GPR55: variants seen among roughly 807,000 people sequenced by gnomAD.
GPR55 encodes the protein G-protein coupled receptor 55.
Under a neutral mutation model 7.9 loss-of-function variants are expected in GPR55, and 6 were observed. That is an observed-to-expected ratio of 0.76 (90% CI 0.41 to 1.49). The LOEUF (loss-of-function observed/expected upper bound fraction) is 1.49. Among genes scored for constraint, GPR55 ranks in the 40% most tolerant of loss-of-function variants. The pLI, the probability that GPR55 is intolerant of heterozygous loss-of-function variation, is 0.01. For synonymous variants in GPR55, 183 were observed against 166.8 expected (o/e 1.10, Z -0.75); for missense variants, 376 against 406.0 (o/e 0.93, Z 0.63).
chr2:230,930,742 G>A (rs1403075760), intron 1 of GPR55, among the ~76,000 whole-genome samples: 5 of 152,174 alleles, frequency 3.3e-5, no homozygotes, highest in Non-Finnish European at 7.3e-5. Flanking sequence ...TGGAATTACA[G>A]GCTTAAGCCA....
intron 1 of GPR55, among the ~76,000 whole-genome samples, chr2:230,912,231 G>A (rs752869894): frequency 3.3e-5 from 5 of 152,040 alleles, no homozygotes; most frequent in African/African-American, 4.8e-5. Context: ...TAACCACTTC[G>A]GCAGAAAGCA....
rs546288069 is a variant in GPR55 at position 230,911,943 on chromosome 2, T to C, written c.-134-847A>G. Among the ~76,000 whole-genome samples the C allele has an allele frequency of 1.5e-4, 23 of 152,216 alleles. 1 individual carries two copies. The South Asian group carries it at 4.8e-3, about 32-fold the overall frequency. On this transcript the variant is annotated intron_variant, in intron 1 of 1. Transcript: ENST00000650999. The stretch of plus-strand genomic sequence containing the variant: ...TTGTGGGGTTCTGCATCAAGGTATG[T>C]AGCCCTGGAGCAGGAAAAAACCAAG...
At position 230,924,501 on chromosome 2, in the gene GPR55, CTAGGG is replaced by C. The variant is rs2125057738; in HGVS notation, c.-135+662_-135+666del. 6.6e-6 allele frequency: 1 copy of C among 152,368 alleles called. No homozygotes were observed. Among genetic ancestry groups the C allele is most frequent in the East Asian group, 1.9e-4 (1 of 5,186 alleles). 9.4% of individuals were successfully genotyped at this position (152,368 alleles called of 1,614,324 possible). ...CCCAGCCTCTCCAAGAGACACTTGGCTAGGGTTAGAGAACAATGCAGCTATAATGT... is the reference window on the plus strand; with the variant it reads ...CCCAGCCTCTCCAAGAGACACTTGGCTTAGAGAACAATGCAGCTATAATGT... On this transcript the variant is annotated intron_variant, in intron 1 of 1. Transcript: ENST00000650999. The surrounding 1 kb of genome is among the most constrained non-coding windows in gnomAD (Gnocchi z 4.5).
Position 230,923,551 on chromosome 2 carries a change from G to A in GPR55, c.-135+1617C>T, listed in dbSNP as rs1690884357. ...AGGAACAGGACACAGAGGGGACAGA[G>A]CACATGACCACAATCTCCCCAATGC... On this transcript the variant is annotated intron_variant, in intron 1 of 1. Transcript: ENST00000650999. This position sits in a 1 kb window ranked among gnomAD's most constrained non-coding sequence, Gnocchi z 4.1. Among the ~76,000 whole-genome samples, 1 of 151,620 alleles carries A rather than the reference G, an allele frequency of 6.6e-6. No individual in the cohort carries two copies. Among genetic ancestry groups the A allele is most frequent in the African/African-American group, 2.4e-5 (1 of 41,324 alleles).
At chr2:230,940,475 C>T (rs74965558) in intron 1 of GPR55, among the ~76,000 whole-genome samples, 3 of 152,184 alleles carry the variant, frequency 2.0e-5, no homozygotes, top group Non-Finnish European at 4.4e-5. Context: ...TGCAGGAAGG[C>T]GCTTATCAAG....
intron 1 of GPR55, among the ~76,000 whole-genome samples, chr2:230,915,554 G>T (rs1303596607): frequency 6.6e-6 from 1 of 152,214 alleles, no homozygotes; most frequent in East Asian, 1.9e-4. Context: ...GCAGCACGGT[G>T]GCTGAGAGGT....
In GPR55 at chr2:230,923,636, C is replaced by T. The variant is rs752104043; in HGVS notation, c.-135+1532G>A. Among the ~76,000 whole-genome samples the T allele has an allele frequency of 6.6e-6, 1 of 151,816 alleles. No individual in the cohort carries two copies. The highest frequency in any genetic ancestry group is 1.5e-5 in the Non-Finnish European group (1 of 67,954). ...AGTGGGGCTGGGAGAGGGGAGGGGCCGGCTTGGGGACGTGAAAGGTGGCCA... is the reference window on the plus strand; with the variant it reads ...AGTGGGGCTGGGAGAGGGGAGGGGCTGGCTTGGGGACGTGAAAGGTGGCCA... On this transcript the variant is annotated intron_variant, in intron 1 of 1. Transcript: ENST00000650999. This position sits in a 1 kb window ranked among gnomAD's most constrained non-coding sequence, Gnocchi z 4.1.
chr2:230,910,513 CCA>C lies in GPR55; in HGVS notation c.448_449del (p.Trp150AspfsTer24). ...AACTGTAGATAGGGATGCTTCCGGT[CCA>C]CACCAGGACCCAGATGGTGCAGCAG... The part of the protein sequence containing the change: ...GICCTIWVLV[W>X]TGSIPIYSFH... On this transcript the variant is annotated frameshift_variant, in exon 2 of 2. Transcript: ENST00000650999. LOFTEE classifies it high-confidence loss of function. This position sits in a 1 kb window ranked among gnomAD's most constrained non-coding sequence, Gnocchi z 5.4. 6.2e-7 allele frequency: 1 copy of C among 1,614,190 alleles called. No individual in the cohort carries two copies. Among genetic ancestry groups the C allele is most frequent in the South Asian group, 1.1e-5 (1 of 91,076 alleles).
Position 230,908,786 on chromosome 2 carries a change from C to CG in GPR55, c.*1216dup, listed in dbSNP as rs1690514394. On this transcript the variant is annotated 3_prime_UTR_variant, in exon 2 of 2. Transcript: ENST00000650999. ...AGCAGCTGAGTCATTGGGAGGCTTCCGCTGTCACTTGCACTCCTCCTCCAG... is the reference window on the plus strand; with the variant it reads ...AGCAGCTGAGTCATTGGGAGGCTTCCGGCTGTCACTTGCACTCCTCCTCCAG... 1.3e-5 allele frequency: 2 copies of CG among 152,382 alleles called. No homozygotes were observed. Among genetic ancestry groups the CG allele is most frequent in the Non-Finnish European group, 2.9e-5 (2 of 68,138 alleles). 9.4% of individuals were successfully genotyped at this position (152,382 alleles called of 1,614,324 possible).
chr2:230,920,249 G>T (rs999607584), intron 1 of GPR55, among the ~76,000 whole-genome samples: 1 of 152,046 alleles, frequency 6.6e-6, no homozygotes, highest in African/African-American at 2.4e-5. Context: ...AACAACTTGT[G>T]GTCTGGGTTT....
At chr2:230,919,379 C>T (rs902792157) in intron 1 of GPR55, among the ~76,000 whole-genome samples, 3 of 152,092 alleles carry the variant, frequency 2.0e-5, no homozygotes, top group African/African-American at 7.2e-5. Flanking sequence ...AAAACACAAT[C>T]AATGTTAGAC....
chr2:230,944,198 C>T lies in GPR55; in HGVS notation c.-135+16577G>A, dbSNP rs1691277597. Among the ~76,000 whole-genome samples the T allele has an allele frequency of 6.6e-6, 1 of 152,220 alleles. No individual in the cohort carries two copies. The highest frequency in any genetic ancestry group is 6.5e-5 in the Admixed American group (1 of 15,280). On this transcript the variant is annotated intron_variant, in intron 1 of 1. Coordinates refer to the GPR55 transcript ENST00000392039. The surrounding 1 kb of genome is among the most constrained non-coding windows in gnomAD (Gnocchi z 4.2). ...CAAGGAGACTTCCCAGGAAATTACC[C>T]ACCACTGGACATTGGACAGGGCAAA...
intron 1 of GPR55, among the ~76,000 whole-genome samples, chr2:230,952,479 GGCCAA>G (rs1210872127): frequency 5.3e-4 from 80 of 152,290 alleles, no homozygotes; most frequent in African/African-American, 1.8e-3. Flanking sequence ...ATCTGGGGAT[GGCCAA>G]TGCCCTCCCA....
chr2:230,949,990 C>T (rs558242105), intron 1 of GPR55, among the ~76,000 whole-genome samples: 214 of 151,820 alleles, frequency 1.4e-3, no homozygotes, highest in Non-Finnish European at 2.5e-3. Flanking sequence ...ACCACCACCA[C>T]GCCTGGCTAA....
chr2:230,948,740 A>T (rs1691354940), intron 1 of GPR55, among the ~76,000 whole-genome samples: 2 of 152,252 alleles, frequency 1.3e-5, no homozygotes, highest in Admixed American at 1.3e-4. Context: ...ATTATAGGTC[A>T]TTTAGGAAGT....
At chr2:230,928,109 G>A (rs964316759), upstream of GPR55, among the ~76,000 whole-genome samples, 10 of 152,192 alleles carry the variant, frequency 6.6e-5, no homozygotes, top group African/African-American at 2.4e-4. Flanking sequence ...CTGCACCAGG[G>A]TAAGGGGGGA....
At chr2:230,935,215 C>T (rs1691114614) in intron 1 of GPR55, among the ~76,000 whole-genome samples, 1 of 152,100 alleles carries the variant, frequency 6.6e-6, no homozygotes, top group South Asian at 2.1e-4. Context: ...TTCAGGCTGC[C>T]TGGAACACAT....
intron 1 of GPR55, among the ~76,000 whole-genome samples, chr2:230,937,759 A>T (rs536218730): frequency 1.7e-3 from 253 of 152,294 alleles, no homozygotes; most frequent in African/African-American, 5.8e-3. Context: ...TAGAGACCTC[A>T]TCTAGAAGAA....
At chr2:230,935,740 G>A (rs1559176441) in intron 1 of GPR55, among the ~76,000 whole-genome samples, 2 of 152,220 alleles carry the variant, frequency 1.3e-5, no homozygotes, top group Non-Finnish European at 2.9e-5. Flanking sequence ...TACAGGTTCA[G>A]TATCCTTTGT....
Sources: allele counts gnomAD v4.1 joint callset (sites outside exome capture counted in the v4.1 genomes callset), GRCh38; gene constraint gnomAD v4.1.1; non-coding constraint Gnocchi (gnomAD v3.1); transcripts MANE v1.5; gene names NCBI Gene and HGNC (gene_info 2026-07-23, HGNC 2026-07-21).